Variants in ITSN1 observed in about 807,000 individuals in gnomAD.
ITSN1 encodes the protein intersectin 1.
A neutral mutation model predicts 239.8 loss-of-function variants in ITSN1; 58 were observed. The ratio of observed to expected loss-of-function variants is 0.24; its 90% CI spans 0.20 to 0.30. The LOEUF is 0.30. Ranked by LOEUF, ITSN1 falls within the 10% of genes least tolerant of loss-of-function variation. ITSN1 has a pLI of 1.00. For synonymous variants in ITSN1, 780 were observed against 770.8 expected, an observed-to-expected ratio of 1.01 and a Z score of -0.20; for missense variants, 1,558 against 2,103.3, an observed-to-expected ratio of 0.74 and a Z score of 5.07.
chr21:33,697,234 ATTTT>A (rs11419453), intron 1 of ITSN1, among the ~76,000 whole-genome samples: 4 of 121,682 alleles, frequency 3.3e-5, no homozygotes, highest in Middle Eastern at 4.1e-3. Context: ...CACCTGGCTA[ATTTT>A]TTTTTTTTTT....
intron 27 of ITSN1, among the ~76,000 whole-genome samples, chr21:33,833,377 C>A (rs2074406709): frequency 6.6e-6 from 1 of 152,190 alleles, no homozygotes. Flanking sequence ...GTGTGTACTG[C>A]ATGTATGTCA....
chr21:33,827,399 C>G (rs1424525181), intron 26 of ITSN1, among the ~76,000 whole-genome samples: 1 of 151,288 alleles, frequency 6.6e-6, no homozygotes, highest in Non-Finnish European at 1.5e-5. Context: ...GACTCTATCT[C>G]AAAAAATAAA....
chr21:33,776,896 C>T (rs2069676080), intron 14 of ITSN1, among the ~76,000 whole-genome samples: 1 of 152,004 alleles, frequency 6.6e-6, no homozygotes, highest in Admixed American at 6.6e-5. Flanking sequence ...TTTTAAAGGG[C>T]AGAAGTTTTA....
At chr21:33,841,618 G>A (rs1049041384) in intron 29 of ITSN1, among the ~76,000 whole-genome samples, 7 of 152,206 alleles carry the variant, frequency 4.6e-5, no homozygotes, top group Non-Finnish European at 7.3e-5. Flanking sequence ...GAGGACCAGG[G>A]ACCGTTGTCT....
chr21:33,794,409 A>T lies in ITSN1; in HGVS notation c.1893A>T (p.Lys631Asn), dbSNP rs2071378901. ...AGTCCATGGAGGCTGAACGACTGAA[A>T]CAGAAAGAACAAGAACGAAAGATCA... ...KQKSMEAERL[K>N]QKEQERKIIE... Residue 631 changes from lysine to asparagine, a missense_variant, in exon 17 of 40, where the codon AAA becomes AAT. By Grantham distance (94) the Lys-to-Asn change is moderately conservative. Transcript: ENST00000381318. 1 of 1,613,900 alleles carries T rather than the reference A, an allele frequency of 6.2e-7. No individual in the cohort carries two copies. Among genetic ancestry groups the T allele is most frequent in the African/African-American group, 1.3e-5 (1 of 74,916 alleles).
chr21:33,802,071 A>G (rs907118081), intron 19 of ITSN1, among the ~76,000 whole-genome samples: 2 of 152,140 alleles, frequency 1.3e-5, no homozygotes, highest in Non-Finnish European at 2.9e-5. Flanking sequence ...TGAGGACCTC[A>G]TTACAATTTT....
chr21:33,793,615 CTGCTAAGG>C (rs1301237205), intron 16 of ITSN1, among the ~76,000 whole-genome samples: 1 of 152,132 alleles, frequency 6.6e-6, no homozygotes, highest in Non-Finnish European at 1.5e-5. Context: ...TTTCAGTAGC[CTGCTAAGG>C]AAATTACTGC....
intron 1 of ITSN1, among the ~76,000 whole-genome samples, chr21:33,655,202 C>T (rs1041241297): frequency 2.0e-5 from 3 of 152,070 alleles, no homozygotes; most frequent in Admixed American, 6.6e-5. Context: ...TGTTTTAAAC[C>T]GGTGTAGATC....
chr21:33,808,782 G>A lies in ITSN1; in HGVS notation c.2320-2193G>A, dbSNP rs142730920. 4.5e-3 allele frequency among the ~76,000 whole-genome samples: 683 copies of A among 152,246 alleles called. 5 individuals are homozygous for A. The highest frequency in any genetic ancestry group is 0.016 in the African/African-American group (649 of 41,546). ...GTAGAACTAGCTCCTAAATTGAGAC[G>A]GTCTAACTGCAGAGCCCTATTCTTG... On this transcript the variant is annotated intron_variant, in intron 20 of 39. Coordinates refer to ENST00000381318, the MANE Select transcript of ITSN1 (RefSeq NM_003024.3).
chr21:33,799,661 G>T, intron 18 of ITSN1, 147 bp from the exon 19 acceptor site: 1 of 815,154 alleles, frequency 1.2e-6, no homozygotes, highest in East Asian at 2.8e-5. Context: ...CATTCAGTAT[G>T]TGTTTCAGAA....
At chr21:33,846,492 C>A (rs1184016002) in intron 29 of ITSN1, among the ~76,000 whole-genome samples, 1 of 152,240 alleles carries the variant, frequency 6.6e-6, no homozygotes, top group Non-Finnish European at 1.5e-5. Flanking sequence ...GGTAACAACA[C>A]TAATGAACAG....
chr21:33,856,861 A>G lies in ITSN1; in HGVS notation c.3783+4A>G, dbSNP rs751006956. 1.2e-6 allele frequency: 2 copies of G among 1,603,608 alleles called. No homozygotes were observed. Among genetic ancestry groups the G allele is most frequent in the Admixed American group, 1.7e-5 (1 of 59,682 alleles). On this transcript the variant is annotated splice_donor_region_variant and intron_variant, in intron 30 of 39. Transcript: ENST00000381318. ...TGACCTGCAGCTGGTCACAGAGGTA[A>G]GGGAGCTGGTGGGGCAGGGGGCACG...
intron 16 of ITSN1, among the ~76,000 whole-genome samples, chr21:33,782,948 C>T (rs570536519): frequency 2.8e-4 from 42 of 152,158 alleles, no homozygotes; most frequent in African/African-American, 8.9e-4. Context: ...TGATGTGAAC[C>T]CAGGAGGCGG....
intron 29 of ITSN1, chr21:33,837,913 T>C: frequency 1.0e-6 from 1 of 985,808 alleles, no homozygotes; most frequent in Non-Finnish European, 1.2e-6. Context: ...ATCCACAGTC[T>C]CTTTTTAGTC....
intron 4 of ITSN1, among the ~76,000 whole-genome samples, chr21:33,727,875 C>A (rs1601868386): frequency 6.6e-6 from 1 of 152,108 alleles, no homozygotes; most frequent in African/African-American, 2.4e-5. Flanking sequence ...CCTAACCTGT[C>A]ATCTCACCTG....
At position 33,775,053 on chromosome 21, in the gene ITSN1, A is replaced by T. The variant is rs777811798; in HGVS notation, c.1541A>T (p.Asn514Ile). 2 of 1,614,188 alleles carry T rather than the reference A, an allele frequency of 1.2e-6. No individual in the cohort carries two copies. Among genetic ancestry groups the T allele is most frequent in the East Asian group, 4.5e-5 (2 of 44,872 alleles). ...CAAAGGCAAGAAATTGAGAGCACAA[A>T]CAAATCTAGAGAGTTGAGAATTGCC... The part of the protein sequence containing the change: ...TTQRQEIEST[N>I]KSRELRIAEI... Residue 514 changes from asparagine (N) to isoleucine (I), a missense_variant, in exon 14 of 40, where the codon AAC becomes ATC. Physicochemically the swap from Asn to Ile is moderately radical, Grantham distance 149 (BLOSUM62 -3). Around this residue, in one of 2 missense-constraint regions of ITSN1, gnomAD observed 982 missense variants for 1,209.9 expected, o/e 0.81. Transcript: ENST00000381318.
At chr21:33,828,873 A>G in intron 26 of ITSN1, 5 of 453,448 alleles carry the variant, frequency 1.1e-5, no homozygotes, top group Non-Finnish European at 1.8e-5. Context: ...AGTTTTTCCC[A>G]TGGGACTTTT....
Position 33,865,065 on chromosome 21 carries a change from C to T in ITSN1, c.3891-86C>T. The T allele has an allele frequency of 1.5e-6, 2 of 1,341,064 alleles. No individual in the cohort carries two copies. Among genetic ancestry groups the T allele is most frequent in the South Asian group, 1.5e-5 (1 of 68,134 alleles). The allele number at this position is 1,341,064 out of a possible 1,614,324, so 83.1% of individuals were successfully genotyped here. ...CCCTTAAGGCTGTGCCCCTCACACACATTCTGTTTCTGTGCAACCTAAGTG... is the reference window on the plus strand; with the variant it reads ...CCCTTAAGGCTGTGCCCCTCACACATATTCTGTTTCTGTGCAACCTAAGTG... On this transcript the variant is annotated intron_variant, in intron 31 of 39. Coordinates refer to ENST00000381318, the MANE Select transcript of ITSN1 (RefSeq NM_003024.3). This position sits in a 1 kb window ranked among gnomAD's most constrained non-coding sequence, Gnocchi z 4.4.
intron 1 of ITSN1, among the ~76,000 whole-genome samples, chr21:33,700,886 T>C (rs1358682395): frequency 1.3e-5 from 2 of 152,104 alleles, no homozygotes; most frequent in Non-Finnish European, 1.5e-5. Flanking sequence ...CCTATTTTGG[T>C]GTATTAGAAA....
Sources: gnomAD v4.1 joint callset for allele counts (sites outside exome capture counted in the v4.1 genomes callset) on GRCh38, gnomAD v4.1.1 for gene constraint, gnomAD v4.1.1 regional missense constraint, Gnocchi (gnomAD v3.1) non-coding constraint, MANE v1.5 for transcripts, NCBI Gene and HGNC (gene_info 2026-07-23, HGNC 2026-07-21) for gene names.